The following CRIPT variants were observed in gnomAD, a reference collection of about 807,000 sequenced individuals.
CRIPT encodes the protein CXXC repeat containing interactor of PDZ3 domain.
A neutral mutation model predicts 16.6 loss-of-function variants in CRIPT; 20 were observed. The ratio of observed to expected loss-of-function variants is 1.20; its 90% CI spans 0.85 to 1.75. CRIPT has a LOEUF of 1.75. Among genes scored for constraint, CRIPT ranks in the 40% most tolerant of loss-of-function variants. The pLI is 0.00. For missense variants in CRIPT, 133 were observed against 115.3 expected (o/e 1.15, Z -0.70); for synonymous variants, 42 against 37.0 (o/e 1.14, Z -0.49).
In CRIPT at chr2:46,628,407, G is replaced by GAA. The variant is rs1330870719; in HGVS notation, c.*4180_*4181insAA. On this transcript the variant is annotated 3_prime_UTR_variant, in exon 5 of 5. Coordinates refer to ENST00000238892, the MANE Select transcript of CRIPT (RefSeq NM_014171.6). Reference sequence around the variant, plus strand: ...TTACAGGCGTGAGCCACTGGACCCGGCAGGATTTTTCTAATTCTGTGAAAA... The same window carrying GAA: ...TTACAGGCGTGAGCCACTGGACCCGGAACAGGATTTTTCTAATTCTGTGAAAA... 2.8e-4 allele frequency among the ~76,000 whole-genome samples: 43 copies of GAA among 152,218 alleles called. No individual in the cohort carries two copies. The highest frequency in any genetic ancestry group is 5.9e-4 in the Non-Finnish European group (40 of 68,052).
chr2:46,620,942 C>G (rs773345339), intron 3 of CRIPT, among the ~76,000 whole-genome samples: 1 of 151,956 alleles, frequency 6.6e-6, no homozygotes, highest in Non-Finnish European at 1.5e-5. Flanking sequence ...CTCCCTTTCC[C>G]CTACTTCCCC....
intron 3 of CRIPT, among the ~76,000 whole-genome samples, chr2:46,622,981 A>G (rs1670848057): frequency 6.6e-6 from 1 of 152,212 alleles, no homozygotes; most frequent in African/African-American, 2.4e-5. Flanking sequence ...GCACATTTAA[A>G]TCAGAGTATT....
At position 46,626,474 on chromosome 2, in the gene CRIPT, A is replaced by C. The variant is rs1572797616; in HGVS notation, c.*2247A>C. 6.6e-6 allele frequency among the ~76,000 whole-genome samples: 1 copy of C among 152,202 alleles called. No individual in the cohort carries two copies. The highest frequency in any genetic ancestry group is 2.1e-4 in the South Asian group (1 of 4,832). ...TCCAGTCATGGGATTGCTGGTTCAA[A>C]TGGTAGTTCTGTTTTAACTTCTTTG... On this transcript the variant is annotated 3_prime_UTR_variant, in exon 5 of 5. Coordinates refer to ENST00000238892, the MANE Select transcript of CRIPT (RefSeq NM_014171.6).
In CRIPT at chr2:46,623,831, G is replaced by A; in HGVS notation, c.205G>A (p.Gly69Ser). Reference sequence around the variant, plus strand: ...TTGTAAAAGTTCTGTGCACCAACCAGGTTCTCATTACTGCCAGGGCTGTGC... The same window carrying A: ...TTGTAAAAGTTCTGTGCACCAACCAAGTTCTCATTACTGCCAGGGCTGTGC... ...RICKSSVHQP[G>S]SHYCQGCAYK... Residue 69 changes from glycine to serine, a missense_variant, in exon 4 of 5, where the codon GGT becomes AGT. Physicochemically the swap from Gly to Ser is moderately conservative, Grantham distance 56 (BLOSUM62 0). Coordinates refer to ENST00000238892, the MANE Select transcript of CRIPT (RefSeq NM_014171.6). 6.2e-7 allele frequency: 1 copy of A among 1,610,256 alleles called. No homozygotes were observed. The highest frequency in any genetic ancestry group is 8.5e-7 in the Non-Finnish European group (1 of 1,177,872).
intron 1 of CRIPT, 111 bp downstream of exon 1, chr2:46,617,409 C>A (rs892736491): frequency 1.6e-6 from 2 of 1,223,994 alleles, no homozygotes; most frequent in Non-Finnish European, 2.3e-6. Flanking sequence ...GTCTCAGATT[C>A]TATCCGCTGT....
chr2:46,622,883 C>G (rs904280482), intron 3 of CRIPT, among the ~76,000 whole-genome samples: 1 of 150,494 alleles, frequency 6.6e-6, no homozygotes, highest in Non-Finnish European at 1.5e-5. Flanking sequence ...GTACTATACC[C>G]AAGAGAAGAC....
intron 3 of CRIPT, among the ~76,000 whole-genome samples, chr2:46,621,287 G>T (rs1320908377): frequency 6.6e-6 from 1 of 152,078 alleles, no homozygotes; most frequent in Non-Finnish European, 1.5e-5. Context: ...GTACCACACT[G>T]CTCCTCATTC....
chr2:46,624,199 C>T lies in CRIPT; in HGVS notation c.278C>T (p.Thr93Ile). Residue 93 changes from threonine (T) to isoleucine (I), a missense_variant, in exon 5 of 5, where the codon ACC becomes ATC. Physicochemically the swap from Thr to Ile is moderately conservative, Grantham distance 89. Coordinates refer to ENST00000238892, the MANE Select transcript of CRIPT (RefSeq NM_014171.6). ...ATGTGTGGAAAAAAGGTTTTGGATA[C>T]CAAAAACTACAAGCAAACATCTGTC... ...CAMCGKKVLDTKNYKQTSV is the reference protein window; with the variant it reads ...CAMCGKKVLDIKNYKQTSV The T allele has an allele frequency of 6.3e-7, 1 of 1,581,036 alleles. No homozygotes were observed. The highest frequency in any genetic ancestry group is 8.6e-7 in the Non-Finnish European group (1 of 1,160,202).
chr2:46,628,803 A>G lies in CRIPT; in HGVS notation c.*4576A>G, dbSNP rs1671005445. Among the ~76,000 whole-genome samples, 1 of 152,254 alleles carries G rather than the reference A, an allele frequency of 6.6e-6. No homozygotes were observed. On this transcript the variant is annotated 3_prime_UTR_variant, in exon 5 of 5. Transcript: ENST00000238892. ...AAACCCTAAAACAAAACATGAACATAAAATATTTTTAAAAGGAAGACATAC... is the reference window on the plus strand; with the variant it reads ...AAACCCTAAAACAAAACATGAACATGAAATATTTTTAAAAGGAAGACATAC...
In CRIPT at chr2:46,624,041, ATTT is replaced by A. The variant is rs11333819; in HGVS notation, c.242-114_242-112del. 833 of 373,328 alleles carry A rather than the reference ATTT, an allele frequency of 2.2e-3. 7 individuals carry two copies. Among genetic ancestry groups the A allele is most frequent in the Non-Finnish European group, 2.6e-3 (594 of 226,216 alleles). 23.1% of individuals were successfully genotyped at this position (373,328 alleles called of 1,614,324 possible). ...TAATTAAAATTATATATATATATAT[ATTT>A]TTTTTTTCTTTTCTTTTCTTTCCTG... On this transcript the variant is annotated intron_variant, in intron 4 of 4. Transcript: ENST00000238892.
chr2:46,625,538 C>A lies in CRIPT; in HGVS notation c.*1311C>A, dbSNP rs529606642. ...TTTCCAACTGCAGTATGTATAAATA[C>A]ATATCACTACAAAATGTATAGAAAG... On this transcript the variant is annotated 3_prime_UTR_variant, in exon 5 of 5. Transcript: ENST00000238892. 1 of 151,968 alleles carries A rather than the reference C, an allele frequency of 6.6e-6. No individual in the cohort carries two copies. Among genetic ancestry groups the A allele is most frequent in the Non-Finnish European group, 1.5e-5 (1 of 68,002 alleles). The allele number at this position is 151,968 out of a possible 1,614,324, so 9.4% of individuals were successfully genotyped here.
At chr2:46,622,469 A>G (rs1308098572) in intron 3 of CRIPT, among the ~76,000 whole-genome samples, 1 of 152,178 alleles carries the variant, frequency 6.6e-6, no homozygotes. Flanking sequence ...ATGTCCAAAC[A>G]AATTGAACTT....
intron 2 of CRIPT, among the ~76,000 whole-genome samples, chr2:46,619,368 C>G (rs1558717199): frequency 6.6e-6 from 1 of 151,704 alleles, no homozygotes; most frequent in Non-Finnish European, 1.5e-5. Context: ...AGATTTTATG[C>G]TATATAGAGT....
At chr2:46,619,736 G>A (rs1670758800) in intron 3 of CRIPT, 55 bp downstream of exon 3, 2 of 1,338,182 alleles carry the variant, frequency 1.5e-6, no homozygotes, top group African/African-American at 1.5e-5. Flanking sequence ...TTAGTATTAA[G>A]TCTGCTGGAG....
rs1670941486 is a variant in CRIPT, at chr2:46,626,425, A to G, written c.*2198A>G. On this transcript the variant is annotated 3_prime_UTR_variant, in exon 5 of 5. Transcript: ENST00000238892. ...AGTGTATGTGTCTTTTTGGTAGAAC[A>G]ATTTATTTTCATTTGGATTTATATC... is the stretch of plus-strand genomic sequence containing the variant. Among the ~76,000 whole-genome samples the G allele has an allele frequency of 6.6e-6, 1 of 152,130 alleles. No homozygotes were observed. The highest frequency in any genetic ancestry group is 2.4e-5 in the African/African-American group (1 of 41,428).
intron 1 of CRIPT, among the ~76,000 whole-genome samples, chr2:46,618,256 C>T (rs376267233): frequency 6.6e-6 from 1 of 151,180 alleles, no homozygotes; most frequent in African/African-American, 2.4e-5. Context: ...GTCTCTGATC[C>T]CTCTGATAAT....
chr2:46,617,220 G>A lies in CRIPT; in HGVS notation c.-63G>A. 11 of 1,550,136 alleles carry A rather than the reference G, an allele frequency of 7.1e-6. No homozygotes were observed. The highest frequency in any genetic ancestry group is 1.2e-5 in the South Asian group (1 of 84,050). On this transcript the variant is annotated 5_prime_UTR_variant, in exon 1 of 5. Transcript: ENST00000238892. ...AAGGGGAATACTTCCAAGTTGTAGTGTTGTTGTTTTCAGCCTGCTGCTGCT... is the reference window on the plus strand; with the variant it reads ...AAGGGGAATACTTCCAAGTTGTAGTATTGTTGTTTTCAGCCTGCTGCTGCT...
In CRIPT at chr2:46,624,436, T is replaced by A. The variant is rs1670885387; in HGVS notation, c.*209T>A. 2.8e-6 allele frequency: 1 copy of A among 356,184 alleles called. No individual in the cohort carries two copies. The allele number at this position is 356,184 out of a possible 1,614,324, so 22.1% of individuals were successfully genotyped here. A position where few individuals can be genotyped will look rare whatever the true frequency, so the allele number is the denominator to read the frequency against. On this transcript the variant is annotated 3_prime_UTR_variant, in exon 5 of 5. Transcript: ENST00000238892. Reference sequence around the variant, plus strand: ...AAATGGTTATTTTCCTTATAAGAATTTTAAGAACTAAGTGGCAAATTCCAT... The same window carrying A: ...AAATGGTTATTTTCCTTATAAGAATATTAAGAACTAAGTGGCAAATTCCAT...
At chr2:46,621,318 G>C (rs907132282) in intron 3 of CRIPT, among the ~76,000 whole-genome samples, 1 of 152,018 alleles carries the variant, frequency 6.6e-6, no homozygotes, top group Non-Finnish European at 1.5e-5. Flanking sequence ...GTCTTTATTA[G>C]TTCTGCCAAG....
Sources: allele counts gnomAD v4.1 joint callset (sites outside exome capture counted in the v4.1 genomes callset), GRCh38; gene constraint gnomAD v4.1.1; transcripts MANE v1.5; gene names NCBI Gene and HGNC (gene_info 2026-07-23, HGNC 2026-07-21).